The following KCND2 variants were observed in gnomAD, a reference collection of about 807,000 sequenced individuals.
The protein encoded by KCND2 is potassium voltage-gated channel subfamily D member 2.
In KCND2, 16 loss-of-function variants were observed where a neutral mutation model predicts 54.4. The ratio of observed to expected loss-of-function variants is 0.29; its 90% confidence interval spans 0.20 to 0.45. KCND2 has a LOEUF of 0.45. Among genes scored for constraint, KCND2 ranks in the 20% least tolerant of loss-of-function variants. The pLI, the probability that KCND2 is intolerant of heterozygous loss-of-function variation, is 1.00. For synonymous variants in KCND2, 317 were observed against 310.7 expected (o/e 1.02, Z -0.21); for missense variants, 486 against 824.2 (o/e 0.59, Z 5.02).
intron 1 of KCND2, among the ~76,000 whole-genome samples, chr7:120,587,596 A>G (rs1792616288): frequency 6.6e-6 from 1 of 152,162 alleles, no homozygotes; most frequent in Non-Finnish European, 1.5e-5. Flanking sequence ...AATCAAATGT[A>G]TCAGACATAA....
At chr7:120,737,429 C>T (rs769388295) in intron 2 of KCND2, among the ~76,000 whole-genome samples, 2 of 151,850 alleles carry the variant, frequency 1.3e-5, no homozygotes, top group African/African-American at 4.8e-5. Context: ...CAGTTCTCAC[C>T]GCTTCCACCA....
At chr7:120,558,088 G>A (rs528351305) in intron 1 of KCND2, among the ~76,000 whole-genome samples, 71 of 151,854 alleles carry the variant, frequency 4.7e-4, no homozygotes, top group South Asian at 1.2e-3. Context: ...ATTTTTTCAC[G>A]GATCTCCAAC....
At chr7:120,571,168 A>G (rs960178969) in intron 1 of KCND2, among the ~76,000 whole-genome samples, 1 of 152,198 alleles carries the variant, frequency 6.6e-6, no homozygotes, top group Non-Finnish European at 1.5e-5. Flanking sequence ...TGTACAGACT[A>G]CATGTCCCCA....
intron 1 of KCND2, among the ~76,000 whole-genome samples, chr7:120,673,905 A>ATTT (rs1214761156): frequency 7.3e-6 from 1 of 136,084 alleles, no homozygotes; most frequent in East Asian, 2.1e-4. Context: ...TGCCTCTTTT[A>ATTT]TTTATTTTTT....
Position 120,363,004 on chromosome 7 carries a change from T to C in KCND2, c.1115+87257T>C, listed in dbSNP as rs139846264. Among the ~76,000 whole-genome samples the C allele has an allele frequency of 3.3e-5, 5 of 152,106 alleles. No individual in the cohort carries two copies. In the East Asian group the frequency reaches 7.8e-4, roughly 24 times the overall value. ...AATGTCTTTTAGAGTGACTCTTGTATAAACCCTTGGAAGTCAGGCAGGGTG... is the reference window on the plus strand; with the variant it reads ...AATGTCTTTTAGAGTGACTCTTGTACAAACCCTTGGAAGTCAGGCAGGGTG... On this transcript the variant is annotated intron_variant, in intron 1 of 5. Transcript: ENST00000331113.
At chr7:120,514,993 C>G (rs1803175034) in intron 1 of KCND2, among the ~76,000 whole-genome samples, 1 of 151,896 alleles carries the variant, frequency 6.6e-6, no homozygotes, top group Non-Finnish European at 1.5e-5. Flanking sequence ...ACTTAAAATG[C>G]ATTCTTATTT....
intron 1 of KCND2, among the ~76,000 whole-genome samples, chr7:120,318,950 A>G (rs1034257901): frequency 2.0e-5 from 3 of 152,040 alleles, no homozygotes; most frequent in Admixed American, 6.6e-5. Context: ...AACTTCAAAT[A>G]TTGTAAAGAT....
chr7:120,479,383 A>G (rs1000051162), intron 1 of KCND2, among the ~76,000 whole-genome samples: 3 of 151,924 alleles, frequency 2.0e-5, no homozygotes, highest in Non-Finnish European at 2.9e-5. Context: ...ATCTTACACA[A>G]ATTTTACCAG....
intron 1 of KCND2, among the ~76,000 whole-genome samples, chr7:120,680,507 G>T (rs1459756739): frequency 3.3e-5 from 5 of 152,102 alleles, no homozygotes; most frequent in African/African-American, 1.2e-4. Context: ...AAATCAAACT[G>T]TAAAGCAGGA....
At chr7:120,597,937 C>CATA in intron 1 of KCND2, among the ~76,000 whole-genome samples, 1 of 152,136 alleles carries the variant, frequency 6.6e-6, no homozygotes, top group South Asian at 2.1e-4. Context: ...CTAGGGTACT[C>CATA]TTCTTTAAGT....
rs532679381 is a variant in KCND2 at position 120,476,427 on chromosome 7, A to C, written c.1115+200680A>C. On this transcript the variant is annotated intron_variant, in intron 1 of 5. Coordinates refer to ENST00000331113, the MANE Select transcript of KCND2 (RefSeq NM_012281.3). ...CAGAGTCAATAACAGTGATTGGCCTAGAAAGGCACTTTCAAATACATGTCA... is the reference window on the plus strand; with the variant it reads ...CAGAGTCAATAACAGTGATTGGCCTCGAAAGGCACTTTCAAATACATGTCA... 2.0e-5 allele frequency among the ~76,000 whole-genome samples: 3 copies of C among 152,348 alleles called. No individual in the cohort carries two copies. The East Asian group carries it at 5.8e-4, about 29-fold the overall frequency.
chr7:120,574,837 C>T (rs567852548), intron 1 of KCND2, among the ~76,000 whole-genome samples: 2 of 151,958 alleles, frequency 1.3e-5, no homozygotes, highest in African/African-American at 4.8e-5. Context: ...GATCTTTGGG[C>T]AATCTATGTA....
At chr7:120,702,111 A>T (rs1792409811) in intron 1 of KCND2, among the ~76,000 whole-genome samples, 1 of 152,202 alleles carries the variant, frequency 6.6e-6, no homozygotes. Flanking sequence ...TTTACAAGAA[A>T]AAAAAACATT....
intron 1 of KCND2, among the ~76,000 whole-genome samples, chr7:120,375,473 T>A (rs543179330): frequency 6.6e-6 from 1 of 151,954 alleles, no homozygotes; most frequent in South Asian, 2.1e-4. Context: ...GTTCTATTTC[T>A]TGTCAGTTTA....
chr7:120,670,146 T>A (rs1791974398), intron 1 of KCND2, among the ~76,000 whole-genome samples: 1 of 151,952 alleles, frequency 6.6e-6, no homozygotes, highest in Admixed American at 6.6e-5. Flanking sequence ...ATACCAAAAA[T>A]CCTGAAAATT....
chr7:120,440,091 C>G (rs1272618166), intron 1 of KCND2, among the ~76,000 whole-genome samples: 1 of 151,826 alleles, frequency 6.6e-6, no homozygotes, highest in African/African-American at 2.4e-5. Flanking sequence ...TCCTTAATGC[C>G]TTACTAATCT....
intron 1 of KCND2, among the ~76,000 whole-genome samples, chr7:120,543,000 A>C (rs906309912): frequency 1.3e-5 from 2 of 151,880 alleles, no homozygotes; most frequent in Non-Finnish European, 1.5e-5. Context: ...GATAATACAC[A>C]CTCCTACATA....
At chr7:120,379,223 C>A (rs1800881256) in intron 1 of KCND2, among the ~76,000 whole-genome samples, 1 of 151,924 alleles carries the variant, frequency 6.6e-6, no homozygotes, top group South Asian at 2.1e-4. Context: ...GAAAATCCCA[C>A]TGATAATATT....
intron 1 of KCND2, among the ~76,000 whole-genome samples, chr7:120,479,804 A>C (rs1321746691): frequency 0.01 from 1,494 of 148,144 alleles, 23 homozygotes; most frequent in African/African-American, 0.035. Context: ...CACAAAAAAA[A>C]AAAAAAAAAA....
Sources: allele counts gnomAD v4.1 joint callset (sites outside exome capture counted in the v4.1 genomes callset), GRCh38; gene constraint gnomAD v4.1.1; transcripts MANE v1.5; gene names NCBI Gene and HGNC (gene_info 2026-07-23, HGNC 2026-07-21).